Variants in PCSK2 observed in about 807,000 individuals in gnomAD.
PCSK2 encodes proprotein convertase subtilisin/kexin type 2, also known as neuroendocrine convertase 2.
A neutral mutation model predicts 69.7 loss-of-function variants in PCSK2; 14 were observed. The ratio of observed to expected loss-of-function variants is 0.20; its 90% CI spans 0.13 to 0.31. The LOEUF is 0.31. Among genes scored for constraint, PCSK2 ranks in the 10% least tolerant of loss-of-function variants. PCSK2 has a pLI of 1.00. For missense variants in PCSK2, 544 were observed against 842.5 expected, an observed-to-expected ratio of 0.65 and a Z score of 4.39; for synonymous variants, 307 against 320.7, an observed-to-expected ratio of 0.96 and a Z score of 0.46.
intron 11 of PCSK2, among the ~76,000 whole-genome samples, 156 bp downstream of exon 11, chr20:17,465,709 C>A (rs1013633169): frequency 6.6e-6 from 1 of 152,110 alleles, no homozygotes; most frequent in Non-Finnish European, 1.5e-5. Context: ...CACTTTGTCA[C>A]CCAGGCTGGA....
chr20:17,362,270 G>T (rs2030421282), intron 4 of PCSK2, among the ~76,000 whole-genome samples: 1 of 152,198 alleles, frequency 6.6e-6, no homozygotes, highest in Non-Finnish European at 1.5e-5. Flanking sequence ...TGGCCTTTGG[G>T]TTCCCACAAA....
At chr20:17,438,566 G>A (rs923159366) in intron 8 of PCSK2, among the ~76,000 whole-genome samples, 4 of 152,186 alleles carry the variant, frequency 2.6e-5, no homozygotes, top group African/African-American at 9.7e-5. Context: ...CGGTTGAGAG[G>A]CTGAAAGTCA....
At chr20:17,354,579 C>T (rs994291774) in intron 2 of PCSK2, among the ~76,000 whole-genome samples, 3 of 152,162 alleles carry the variant, frequency 2.0e-5, no homozygotes, top group South Asian at 2.1e-4. Flanking sequence ...CCAATCTGTC[C>T]GGTCATGGTA....
At chr20:17,239,724 C>T (rs1986486123) in intron 1 of PCSK2, among the ~76,000 whole-genome samples, 1 of 151,114 alleles carries the variant, frequency 6.6e-6, no homozygotes, top group Admixed American at 6.6e-5. Context: ...AGTAAACAAA[C>T]ATAATGCAAC....
chr20:17,444,074 G>A lies in PCSK2; in HGVS notation c.885+7191G>A, dbSNP rs118017049. Among the ~76,000 whole-genome samples the A allele has an allele frequency of 4.5e-3, 683 of 152,248 alleles. 2 individuals carry two copies. Among genetic ancestry groups the A allele is most frequent in the Non-Finnish European group, 7.4e-3 (504 of 68,012 alleles). ...AAGTGAGGGTTCATTGTGCATTAGCGAAGGTTTTCTCCTAGTGACTTCCAC... is the reference window on the plus strand; with the variant it reads ...AAGTGAGGGTTCATTGTGCATTAGCAAAGGTTTTCTCCTAGTGACTTCCAC... On this transcript the variant is annotated intron_variant, in intron 8 of 11. Coordinates refer to ENST00000262545, the MANE Select transcript of PCSK2 (RefSeq NM_002594.5).
intron 2 of PCSK2, among the ~76,000 whole-genome samples, chr20:17,272,640 A>C (rs1217095284): frequency 6.6e-6 from 1 of 152,100 alleles, no homozygotes; most frequent in Non-Finnish European, 1.5e-5. Flanking sequence ...TAAATAGTAC[A>C]AAGAAAAATG....
At chr20:17,462,365 A>C (rs542379597) in intron 10 of PCSK2, among the ~76,000 whole-genome samples, 1 of 152,350 alleles carries the variant, frequency 6.6e-6, no homozygotes, top group South Asian at 2.1e-4. Flanking sequence ...ATCACTGTAC[A>C]GAAGAATCAT....
intron 8 of PCSK2, among the ~76,000 whole-genome samples, chr20:17,439,819 C>T (rs1470069017): frequency 3.3e-5 from 5 of 152,182 alleles, no homozygotes; most frequent in Admixed American, 6.5e-5. Flanking sequence ...GGATCTAACC[C>T]CCAGACTTGC....
At chr20:17,444,998 G>A (rs1203288181) in intron 8 of PCSK2, among the ~76,000 whole-genome samples, 1 of 152,182 alleles carries the variant, frequency 6.6e-6, no homozygotes, top group African/African-American at 2.4e-5. Context: ...AAACTCCCAG[G>A]CACAGGGAAT....
chr20:17,287,653 C>G (rs925752850), intron 2 of PCSK2, among the ~76,000 whole-genome samples: 4 of 152,156 alleles, frequency 2.6e-5, no homozygotes, highest in African/African-American at 9.7e-5. Context: ...CTCCAAGAAC[C>G]CTGGTGCTTC....
intron 2 of PCSK2, among the ~76,000 whole-genome samples, chr20:17,325,496 T>C (rs1235705126): frequency 6.6e-6 from 1 of 152,246 alleles, no homozygotes; most frequent in Non-Finnish European, 1.5e-5. Context: ...AATACTTTTT[T>C]AATACCAAAT....
chr20:17,234,787 T>G (rs995508912), intron 1 of PCSK2, among the ~76,000 whole-genome samples: 11 of 152,188 alleles, frequency 7.2e-5, no homozygotes, highest in South Asian at 2.1e-4. Context: ...ACAATAATTA[T>G]ATATTCCACT....
Position 17,248,250 on chromosome 20 carries a change from G to T in PCSK2, c.178-11990G>T, listed in dbSNP as rs1363009080. ...GAAAACATTTCAAAACATACTAAAT[G>T]CCCGCAGTATGAGAGGCTTCTTACT... is the stretch of plus-strand genomic sequence containing the variant. On this transcript the variant is annotated intron_variant, in intron 1 of 11. Coordinates refer to ENST00000262545, the MANE Select transcript of PCSK2 (RefSeq NM_002594.5). Among the ~76,000 whole-genome samples, 4 of 151,328 alleles carry T rather than the reference G, an allele frequency of 2.6e-5. No homozygotes were observed. The East Asian group carries it at 5.9e-4, about 22-fold the overall frequency.
At chr20:17,335,727 T>C (rs944661699) in intron 2 of PCSK2, among the ~76,000 whole-genome samples, 9 of 152,014 alleles carry the variant, frequency 5.9e-5, no homozygotes, top group Non-Finnish European at 1.0e-4. Flanking sequence ...CTCCCACTTA[T>C]AAGTGAGAAC....
intron 8 of PCSK2, among the ~76,000 whole-genome samples, chr20:17,446,750 A>G (rs1156875078): frequency 6.6e-6 from 1 of 152,262 alleles, no homozygotes. Context: ...TCATAAATCA[A>G]TACATTGTTT....
intron 5 of PCSK2, among the ~76,000 whole-genome samples, chr20:17,396,874 A>T (rs1025056470): frequency 2.0e-5 from 3 of 152,118 alleles, no homozygotes; most frequent in Non-Finnish European, 4.4e-5. Flanking sequence ...GCATAGAGAG[A>T]CCTCAGCAGT....
intron 10 of PCSK2, among the ~76,000 whole-genome samples, chr20:17,462,032 C>G (rs866217564): frequency 3.9e-4 from 59 of 152,300 alleles, no homozygotes; most frequent in African/African-American, 1.3e-3. Context: ...TCTCAGATTT[C>G]CTGATGATCA....
Position 17,481,842 on chromosome 20 carries a change from C to G in PCSK2, c.1689C>G (p.Asp563Glu). 1 of 1,614,120 alleles carries G rather than the reference C, an allele frequency of 6.2e-7. No homozygotes were observed. The highest frequency in any genetic ancestry group is 8.5e-7 in the Non-Finnish European group (1 of 1,180,016). ...PFMTTHTWGE[D>E]ARGTWTLELG... ...TGACCACTCACACGTGGGGGGAAGACGCCCGAGGCACCTGGACCCTGGAGC... is the reference window on the plus strand; with the variant it reads ...TGACCACTCACACGTGGGGGGAAGAGGCCCGAGGCACCTGGACCCTGGAGC... The change falls in exon 12 of 12, where the codon GAC becomes GAG. Residue 563 changes from aspartate to glutamate, a missense_variant. Physicochemically the swap from Asp to Glu is conservative, Grantham distance 45 (BLOSUM62 2). Coordinates refer to ENST00000262545, the MANE Select transcript of PCSK2 (RefSeq NM_002594.5).
chr20:17,436,877 G>A lies in PCSK2; in HGVS notation c.879G>A (p.Val293=). The stretch of plus-strand genomic sequence containing the variant: ...CGCTGCAGGCCATGGCCGATGGCGT[G>A]AACAAGGTAAGGGGGCCGGCCCCCT... ...ELTLQAMADG[V]NKGRGGKGSI... The change falls in exon 8 of 12, where the codon GTG becomes GTA. Residue 293 remains valine (V), a synonymous_variant. Coordinates refer to ENST00000262545, the MANE Select transcript of PCSK2 (RefSeq NM_002594.5). 2.5e-6 allele frequency: 4 copies of A among 1,609,590 alleles called. No individual in the cohort carries two copies. The highest frequency in any genetic ancestry group is 2.5e-6 in the Non-Finnish European group (3 of 1,178,216).
Sources: allele counts gnomAD v4.1 joint callset (sites outside exome capture counted in the v4.1 genomes callset), GRCh38; gene constraint gnomAD v4.1.1; transcripts MANE v1.5; gene names NCBI Gene and HGNC (gene_info 2026-07-23, HGNC 2026-07-21).